Variants in RHOA observed in about 807,000 individuals in gnomAD.
RHOA encodes the protein ras homolog family member A.
RHOA carries 3 observed loss-of-function variants against 17.5 expected under a neutral mutation model. The ratio of observed to expected loss-of-function variants is 0.17; its 90% CI spans 0.08 to 0.44. The LOEUF (loss-of-function observed/expected upper bound fraction) is 0.44. Ranked by LOEUF, RHOA falls within the 20% of genes least tolerant of loss-of-function variation. The pLI is 0.99. For synonymous variants in RHOA, 98 were observed against 88.4 expected, an observed-to-expected ratio of 1.11 and a Z score of -0.61; for missense variants, 56 against 242.3, an observed-to-expected ratio of 0.23 and a Z score of 5.10.
intron 1 of RHOA, among the ~76,000 whole-genome samples, chr3:49,398,308 G>A (rs529885408): frequency 6.6e-6 from 1 of 151,672 alleles, no homozygotes; most frequent in Admixed American, 6.6e-5. Context: ...CCTTGAGATC[G>A]CACCACTGCA....
intron 1 of RHOA, among the ~76,000 whole-genome samples, chr3:49,380,793 G>C (rs147389206): frequency 6.6e-6 from 1 of 150,518 alleles, no homozygotes; most frequent in Non-Finnish European, 1.5e-5. Flanking sequence ...AATCCACAGG[G>C]GTACCAGAAG....
At chr3:49,368,188 T>C (rs1348680827) in intron 3 of RHOA, among the ~76,000 whole-genome samples, 3 of 152,120 alleles carry the variant, frequency 2.0e-5, no homozygotes, top group Non-Finnish European at 2.9e-5. Context: ...GCAGGGATTA[T>C]AGGTGTCAGG....
intron 3 of RHOA, among the ~76,000 whole-genome samples, chr3:49,364,087 C>CG (rs1213552133): frequency 6.6e-6 from 1 of 151,824 alleles, no homozygotes; most frequent in East Asian, 1.9e-4. Context: ...CAGTGGCTCA[C>CG]GTCTATAATC....
At chr3:49,376,569 G>C (rs1424454637) in intron 1 of RHOA, among the ~76,000 whole-genome samples, 1 of 150,282 alleles carries the variant, frequency 6.7e-6, no homozygotes, top group African/African-American at 2.5e-5. Context: ...CGTGAACCCA[G>C]GAGACAGAGC....
At chr3:49,380,719 TAA>T (rs989228209) in intron 1 of RHOA, among the ~76,000 whole-genome samples, 2 of 125,124 alleles carry the variant, frequency 1.6e-5, no homozygotes, top group East Asian at 5.3e-4. Flanking sequence ...ATAATAATAA[TAA>T]ATACTCATTA....
intron 1 of RHOA, among the ~76,000 whole-genome samples, chr3:49,384,042 G>T (rs933871728): frequency 4.6e-5 from 7 of 151,866 alleles, no homozygotes; most frequent in Non-Finnish European, 8.8e-5. Context: ...AAAAAAGAAA[G>T]AAAAGAAAAA....
chr3:49,406,408 T>C (rs891832734), intron 1 of RHOA, among the ~76,000 whole-genome samples: 1 of 152,188 alleles, frequency 6.6e-6, no homozygotes, highest in Non-Finnish European at 1.5e-5. Context: ...AACCATATAC[T>C]TGAAGTCAAA....
chr3:49,389,387 G>A lies in RHOA; in HGVS notation c.-2-13796C>T, dbSNP rs188755469. 4.5e-4 allele frequency among the ~76,000 whole-genome samples: 69 copies of A among 152,176 alleles called. 1 individual carries two copies. The highest frequency in any genetic ancestry group is 4.5e-3 in the Admixed American group (69 of 15,256). On this transcript the variant is annotated intron_variant, in intron 1 of 4. Transcript: ENST00000418115. Reference sequence around the variant, plus strand: ...GGACTCTCCAGGCAGAACCCAAGAAGAATGTGTGAGCTTAGTTTGGGGTTC... The same window carrying A: ...GGACTCTCCAGGCAGAACCCAAGAAAAATGTGTGAGCTTAGTTTGGGGTTC...
chr3:49,361,086 C>CAAAAAAAAAAAAAAAAAAA (rs749506733), intron 4 of RHOA: 1 of 126,602 alleles, frequency 7.9e-6, no homozygotes, highest in Non-Finnish European at 1.7e-5. Context: ...AAAAACAAAA[C>CAAAAAAAAAAAAAAAAAAA]AAAAAAAAAA....
chr3:49,363,082 T>A (rs979549852), intron 3 of RHOA, among the ~76,000 whole-genome samples: 10 of 152,334 alleles, frequency 6.6e-5, no homozygotes, highest in Non-Finnish European at 1.3e-4. Context: ...ACTCTCAGCA[T>A]AACTTCTACC....
intron 3 of RHOA, chr3:49,366,594 C>A (rs1467387590): frequency 6.6e-6 from 1 of 152,158 alleles, no homozygotes; most frequent in African/African-American, 2.4e-5. Flanking sequence ...CAGAGCGAGA[C>A]CCCGCCTCTA....
At chr3:49,374,709 G>A (rs1559501313) in intron 2 of RHOA, among the ~76,000 whole-genome samples, 1 of 151,766 alleles carries the variant, frequency 6.6e-6, no homozygotes. Context: ...GCGACAGAGC[G>A]AGACTCTGTC....
At chr3:49,411,217 G>C (rs1223426049) in intron 1 of RHOA, among the ~76,000 whole-genome samples, 1 of 151,870 alleles carries the variant, frequency 6.6e-6, no homozygotes, top group Non-Finnish European at 1.5e-5. Flanking sequence ...GACGAGTTCG[G>C]GCGCGTTCCA....
intron 1 of RHOA, among the ~76,000 whole-genome samples, chr3:49,384,286 A>C (rs920463281): frequency 7.2e-5 from 11 of 152,296 alleles, no homozygotes; most frequent in East Asian, 1.9e-4. Flanking sequence ...TTGCAGAATT[A>C]TCTCTCCTTT....
rs375581663 is a variant in RHOA, at chr3:49,362,636, A to G, written c.278-10T>C. ...TTTTCTGGGATGTTTTCTGAAAGAA[A>G]AATGTAGAGAATTTGGGGATACATA... On this transcript the variant is annotated splice_polypyrimidine_tract_variant and intron_variant, in intron 3 of 4. Transcript: ENST00000418115. 6.0e-5 allele frequency: 97 copies of G among 1,606,342 alleles called. No homozygotes were observed. The Middle Eastern group carries it at 8.3e-4, about 14-fold the overall frequency.
intron 1 of RHOA, among the ~76,000 whole-genome samples, chr3:49,378,519 G>A (rs879491087): frequency 2.6e-5 from 4 of 151,918 alleles, no homozygotes; most frequent in Non-Finnish European, 5.9e-5. Flanking sequence ...AGTGCTGAGG[G>A]ATTACAGGCG....
intron 1 of RHOA, among the ~76,000 whole-genome samples, chr3:49,400,504 T>C (rs1376903219): frequency 1.3e-5 from 2 of 152,144 alleles, no homozygotes; most frequent in East Asian, 1.9e-4. Context: ...GCACTTCGTC[T>C]TTCAGTGCTG....
chr3:49,399,577 C>CTT lies in RHOA; in HGVS notation c.-3+12241_-3+12242dup, dbSNP rs769088574. Among the ~76,000 whole-genome samples the CTT allele has an allele frequency of 3.9e-4, 57 of 144,378 alleles. 1 individual carries two copies. Among genetic ancestry groups the CTT allele is most frequent in the African/African-American group, 5.6e-4 (22 of 39,190 alleles). 94.7% of individuals were successfully genotyped at this position (144,378 alleles called of 152,430 possible). A position where few individuals can be genotyped will look rare whatever the true frequency, so the allele number is the denominator to read the frequency against. ...CTGTCTCTAGAATAGTACACAGGAG[C>CTT]TTTTTTTTTTTTTTCCCCCAGAAAG... On this transcript the variant is annotated intron_variant, in intron 1 of 4. Coordinates refer to ENST00000418115, the MANE Select transcript of RHOA (RefSeq NM_001664.4).
chr3:49,397,988 G>C (rs1391305241), intron 1 of RHOA, among the ~76,000 whole-genome samples: 1 of 152,200 alleles, frequency 6.6e-6, no homozygotes, highest in African/African-American at 2.4e-5. Context: ...TTGAGGTCAA[G>C]GGTCCATGAG....
Sources: gnomAD v4.1 joint callset for allele counts (sites outside exome capture counted in the v4.1 genomes callset) on GRCh38, gnomAD v4.1.1 for gene constraint, MANE v1.5 for transcripts, NCBI Gene and HGNC (gene_info 2026-07-23, HGNC 2026-07-21) for gene names.